Variants in ADGB observed in about 807,000 individuals in gnomAD.
ADGB encodes androglobin, also known as calpain-7-like protein.
ADGB carries 172 observed loss-of-function variants against 210.5 expected under a neutral mutation model. The ratio of observed to expected loss-of-function variants is 0.82; its 90% CI spans 0.72 to 0.93. The LOEUF (loss-of-function observed/expected upper bound fraction) is 0.93. Among genes scored for constraint, ADGB ranks in the 40% least tolerant of loss-of-function variants. The probability of loss-of-function intolerance (pLI) is 0.00; values close to 1 mark genes in which losing one functional copy is unlikely to be tolerated. For missense variants in ADGB, 2,025 were observed against 1,964.8 expected, an observed-to-expected ratio of 1.03 and a Z score of -0.58; for synonymous variants, 658 against 662.7, an observed-to-expected ratio of 0.99 and a Z score of 0.11.
intron 1 of ADGB, among the ~76,000 whole-genome samples, chr6:146,626,512 CT>C (rs1405265426): frequency 6.6e-6 from 1 of 151,842 alleles, no homozygotes; most frequent in Non-Finnish European, 1.5e-5. Flanking sequence ...GTCCCTTTTA[CT>C]TTTAATAGAC....
intron 1 of ADGB, among the ~76,000 whole-genome samples, chr6:146,606,460 A>T (rs1193881323): frequency 6.6e-6 from 1 of 152,158 alleles, no homozygotes; most frequent in African/African-American, 2.4e-5. Context: ...TTCATCATAA[A>T]ATATTTTCCA....
intron 1 of ADGB, among the ~76,000 whole-genome samples, chr6:146,601,272 A>G (rs1483552817): frequency 6.6e-6 from 1 of 152,164 alleles, no homozygotes; most frequent in Non-Finnish European, 1.5e-5. Context: ...TCTAGAAAAT[A>G]TCTGAATTAT....
At chr6:146,644,662 G>C (rs989676024) in intron 2 of ADGB, 111 bp from the exon 3 acceptor site, 4 of 590,980 alleles carry the variant, frequency 6.8e-6, no homozygotes, top group Admixed American at 3.8e-5. Flanking sequence ...AAACTGCTTT[G>C]TAAAGGCTTA....
At chr6:146,602,382 G>A (rs910657743) in intron 1 of ADGB, among the ~76,000 whole-genome samples, 1 of 152,098 alleles carries the variant, frequency 6.6e-6, no homozygotes, top group Non-Finnish European at 1.5e-5. Context: ...TAAGTGAGGG[G>A]ATTTTGTTAC....
At chr6:146,810,764 C>G (rs553333963) in intron 35 of ADGB, among the ~76,000 whole-genome samples, 1 of 152,026 alleles carries the variant, frequency 6.6e-6, no homozygotes. Flanking sequence ...CTCATAGAAG[C>G]AAAGTGTAGG....
chr6:146,669,908 C>T (rs961211900), intron 7 of ADGB, among the ~76,000 whole-genome samples: 4 of 151,988 alleles, frequency 2.6e-5, no homozygotes, highest in Non-Finnish European at 5.9e-5. Flanking sequence ...TAAACTGCAC[C>T]ATCCCTAGAA....
At chr6:146,633,433 A>AC (rs143685883) in intron 1 of ADGB, among the ~76,000 whole-genome samples, 13,695 of 150,960 alleles carry the variant, frequency 0.091, 649 homozygotes, top group East Asian at 0.13. Context: ...CAGAGTAAAG[A>AC]CCCTCCCCCT....
chr6:146,706,005 G>A (rs1397008689), intron 13 of ADGB, among the ~76,000 whole-genome samples: 1 of 151,092 alleles, frequency 6.6e-6, no homozygotes, highest in Non-Finnish European at 1.5e-5. Context: ...CTTAACTGCA[G>A]CCTTGAACTC....
intron 10 of ADGB, among the ~76,000 whole-genome samples, chr6:146,687,198 T>G (rs1223165167): frequency 6.6e-6 from 1 of 152,084 alleles, no homozygotes; most frequent in African/African-American, 2.4e-5. Flanking sequence ...TTGGACTGAA[T>G]ATAAAAACCA....
At chr6:146,703,717 T>G (rs986157264) in intron 13 of ADGB, among the ~76,000 whole-genome samples, 1 of 151,944 alleles carries the variant, frequency 6.6e-6, no homozygotes, top group African/African-American at 2.4e-5. Flanking sequence ...GATGGACAAT[T>G]AGTTTGATTT....
chr6:146,698,560 G>A (rs1776442420), intron 12 of ADGB, among the ~76,000 whole-genome samples: 1 of 152,078 alleles, frequency 6.6e-6, no homozygotes, highest in Admixed American at 6.6e-5. Flanking sequence ...ATCGACAACT[G>A]AACATTGAAA....
intron 10 of ADGB, among the ~76,000 whole-genome samples, chr6:146,690,574 A>G (rs1392367051): frequency 6.6e-6 from 1 of 152,184 alleles, no homozygotes; most frequent in Non-Finnish European, 1.5e-5. Flanking sequence ...CTAGAATATG[A>G]GAAGTATCTG....
chr6:146,709,987 T>C (rs1215114179), intron 13 of ADGB, among the ~76,000 whole-genome samples: 5 of 152,230 alleles, frequency 3.3e-5, no homozygotes, highest in Non-Finnish European at 7.4e-5. Context: ...TGTTCTTCCA[T>C]ATGACTGCTA....
rs1776864468 is a variant in ADGB at position 146,724,372 on chromosome 6, G to C, written c.2237+45G>C. 4 of 1,477,468 alleles carry C rather than the reference G, an allele frequency of 2.7e-6. No individual in the cohort carries two copies. The African/African-American group carries it at 5.7e-5, about 21-fold the overall frequency. The allele number at this position is 1,477,468 out of a possible 1,614,324, so 91.5% of individuals were successfully genotyped here. A position where few individuals can be genotyped will look rare whatever the true frequency, so the allele number is the denominator to read the frequency against. On this transcript the variant is annotated intron_variant, in intron 18 of 35. Transcript: ENST00000397944. ...TTCCCATAATAAAAATTGTTTGAAG[G>C]CTTGCAAATTGTTGGTTACTAAAGA...
At position 146,666,850 on chromosome 6, in the gene ADGB, T is replaced by G; in HGVS notation, c.787T>G (p.Phe263Val). Residue 263 changes from phenylalanine (F) to valine (V), a missense_variant, in exon 7 of 36, where the codon TTC becomes GTC. By Grantham distance (50) the Phe-to-Val change is conservative. Coordinates refer to ENST00000397944, the MANE Select transcript of ADGB (RefSeq NM_024694.4). ...AGCAGACAGGAGAGAGCTGGGGGAG[T>G]TCACGGTTATTCATGCGCTCACAGG... The part of the protein sequence containing the change: ...HVADRRELGE[F>V]TVIHALTGWL... 1 of 1,547,748 alleles carries G rather than the reference T, an allele frequency of 6.5e-7. No homozygotes were observed. Among genetic ancestry groups the G allele is most frequent in the Admixed American group, 2.0e-5 (1 of 50,854 alleles).
intron 29 of ADGB, among the ~76,000 whole-genome samples, chr6:146,780,147 A>G (rs1777778667): frequency 6.6e-6 from 1 of 152,076 alleles, no homozygotes; most frequent in Non-Finnish European, 1.5e-5. Context: ...TTGAAATTAA[A>G]CTGGTATTAA....
chr6:146,615,385 C>G (rs1470216372), intron 1 of ADGB, among the ~76,000 whole-genome samples: 1 of 152,176 alleles, frequency 6.6e-6, no homozygotes, highest in East Asian at 1.9e-4. Flanking sequence ...AGGGGACAGA[C>G]ATCCAAACCA....
intron 35 of ADGB, chr6:146,807,667 T>C: frequency 5.5e-6 from 6 of 1,094,474 alleles, no homozygotes; most frequent in Non-Finnish European, 7.6e-6. Flanking sequence ...GCTGATAAGA[T>C]ATTGGGCCAA....
intron 20 of ADGB, among the ~76,000 whole-genome samples, chr6:146,732,039 C>T (rs368569949): frequency 1.3e-5 from 2 of 152,152 alleles, no homozygotes; most frequent in African/African-American, 4.8e-5. Flanking sequence ...TCCAGGCTGG[C>T]TTTTTAACCG....
Sources: allele counts gnomAD v4.1 joint callset (sites outside exome capture counted in the v4.1 genomes callset), GRCh38; gene constraint gnomAD v4.1.1; transcripts MANE v1.5; gene names NCBI Gene and HGNC (gene_info 2026-07-23, HGNC 2026-07-21).